Variants in KANK1 observed in about 807,000 individuals in gnomAD.
KANK1 encodes the protein KN motif and ankyrin repeat domain-containing protein 1.
In KANK1, 109 loss-of-function variants were observed where a neutral mutation model predicts 106.2. The observed-to-expected ratio is 1.03, with a 90% confidence interval of 0.88 to 1.20. The LOEUF is 1.20. KANK1 is among the 50% of genes most tolerant of loss of function. The pLI, the probability that KANK1 is intolerant of heterozygous loss-of-function variation, is 0.00. For missense variants in KANK1, 2,399 were observed against 1,710.7 expected (o/e 1.40, Z -7.10); for synonymous variants, 873 against 652.2 (o/e 1.34, Z -5.16).
chr9:532,032 T>C (rs1000864802), intron 1 of KANK1, among the ~76,000 whole-genome samples: 15 of 152,314 alleles, frequency 9.8e-5, no homozygotes, highest in Middle Eastern at 6.8e-3. Flanking sequence ...AAAACATTCA[T>C]TGGACATGAG....
At chr9:613,215 A>G (rs1962203) in intron 1 of KANK1, among the ~76,000 whole-genome samples, 115,321 of 151,122 alleles carry the variant, frequency 0.76, 44,482 homozygotes, top group Non-Finnish European at 0.81. Flanking sequence ...AGTTCACAGC[A>G]TCTTTAAGAT....
chr9:689,088 A>G (rs548972473), intron 2 of KANK1, among the ~76,000 whole-genome samples: 10 of 152,242 alleles, frequency 6.6e-5, no homozygotes, highest in Middle Eastern at 3.4e-3. Context: ...TGTCCCCCCA[A>G]TTCATTTGGT....
At chr9:709,311 C>G (rs1233017908) in intron 2 of KANK1, among the ~76,000 whole-genome samples, 1 of 152,158 alleles carries the variant, frequency 6.6e-6, no homozygotes, top group East Asian at 1.9e-4. Flanking sequence ...ATCCCATGCC[C>G]CAGCTTTCTC....
intron 1 of KANK1, among the ~76,000 whole-genome samples, chr9:659,001 C>G (rs1842739731): frequency 6.6e-6 from 1 of 151,716 alleles, no homozygotes; most frequent in Non-Finnish European, 1.5e-5. Flanking sequence ...TATTCTCACT[C>G]AACACCTGTT....
intron 3 of KANK1, among the ~76,000 whole-genome samples, chr9:494,543 G>A (rs2058429755): frequency 6.6e-6 from 1 of 152,136 alleles, no homozygotes; most frequent in South Asian, 2.1e-4. Context: ...GATTATAAAA[G>A]GCATTGTGCT....
chr9:707,309 G>A (rs1824599176), intron 2 of KANK1: 3 of 863,758 alleles, frequency 3.5e-6, no homozygotes, highest in South Asian at 1.1e-4. Flanking sequence ...GGGCCTGGGC[G>A]AGGGGGGCCG....
intron 1 of KANK1, among the ~76,000 whole-genome samples, chr9:569,178 T>G (rs146046687): frequency 8.0e-4 from 114 of 142,928 alleles, no homozygotes; most frequent in African/African-American, 2.7e-3. Flanking sequence ...GCCTCCCCTC[T>G]GTTTTATCAA....
chr9:595,796 A>G (rs1826068841), intron 1 of KANK1, among the ~76,000 whole-genome samples: 1 of 151,970 alleles, frequency 6.6e-6, no homozygotes, highest in African/African-American at 2.4e-5. Context: ...TGCTGGGATT[A>G]TAGGCATGAG....
chr9:514,003 C>T (rs779811713), intron 1 of KANK1, among the ~76,000 whole-genome samples: 3 of 141,782 alleles, frequency 2.1e-5, no homozygotes, highest in South Asian at 4.4e-4. Context: ...GGTGACAGAG[C>T]GAGACTCCGT....
chr9:735,769 G>T (rs1425349453), intron 7 of KANK1: 1 of 432,752 alleles, frequency 2.3e-6, no homozygotes. Context: ...CGATGCAGGT[G>T]GATCACATGA....
intron 2 of KANK1, among the ~76,000 whole-genome samples, chr9:694,687 G>C (rs139456138): frequency 5.8e-4 from 88 of 152,298 alleles, no homozygotes; most frequent in Admixed American, 5.4e-3. Context: ...TTCCACTACT[G>C]AGAATAGTAA....
intron 8 of KANK1, 28 bp downstream of exon 8, chr9:738,532 T>C (rs747772542): frequency 1.9e-6 from 3 of 1,557,356 alleles, no homozygotes; most frequent in South Asian, 2.2e-5. Flanking sequence ...CCACCCTCTC[T>C]TCTCTAACAG....
chr9:658,494 A>G (rs1013291409), intron 1 of KANK1, among the ~76,000 whole-genome samples: 10 of 152,112 alleles, frequency 6.6e-5, no homozygotes, highest in Non-Finnish European at 8.8e-5. Context: ...TGTAATTTTG[A>G]TGAAGACCGC....
At position 518,487 on chromosome 9, in the gene KANK1, TA is replaced by T. The variant is rs1389648734; in HGVS notation, c.-84+13734del. On this transcript the variant is annotated intron_variant, in intron 1 of 11. Transcript: ENST00000382297. ...CACTTCAAGGGGATCTGATTCGATG[TA>T]GGGGAGGGGTTCGGAGCATGGGTTC... Among the ~76,000 whole-genome samples, 12 of 151,696 alleles carry T rather than the reference TA, an allele frequency of 7.9e-5. 1 individual carries two copies. The highest frequency in any genetic ancestry group is 2.9e-4 in the African/African-American group (12 of 40,992).
chr9:622,174 C>G (rs893947895), intron 1 of KANK1, among the ~76,000 whole-genome samples: 3 of 152,118 alleles, frequency 2.0e-5, no homozygotes, highest in African/African-American at 7.2e-5. Context: ...ATACCTGAAA[C>G]CTGTTTAAAT....
At chr9:517,024 C>CACACACACACACAT (rs2059311640) in intron 1 of KANK1, among the ~76,000 whole-genome samples, 1 of 151,504 alleles carries the variant, frequency 6.6e-6, no homozygotes, top group Non-Finnish European at 1.5e-5. Flanking sequence ...CACACACACA[C>CACACACACACACAT]ACATCCGTCT....
chr9:702,626 G>A (rs1383921198), intron 2 of KANK1, among the ~76,000 whole-genome samples: 1 of 152,128 alleles, frequency 6.6e-6, no homozygotes, highest in African/African-American at 2.4e-5. Flanking sequence ...TTCCCACTGG[G>A]TATTATAACA....
chr9:551,260 C>A (rs1482867671), intron 1 of KANK1, among the ~76,000 whole-genome samples: 2 of 151,524 alleles, frequency 1.3e-5, no homozygotes, highest in Non-Finnish European at 2.9e-5. Flanking sequence ...TTGCCTGTTT[C>A]CCTCTTTTTG....
intron 1 of KANK1, among the ~76,000 whole-genome samples, chr9:542,761 G>T (rs922138554): frequency 3.9e-5 from 6 of 152,152 alleles, no homozygotes; most frequent in African/African-American, 1.4e-4. Context: ...CAATATAGAT[G>T]AACCTATTCA....
Sources: gnomAD v4.1 joint callset for allele counts (sites outside exome capture counted in the v4.1 genomes callset) on GRCh38, gnomAD v4.1.1 for gene constraint, MANE v1.5 for transcripts, NCBI Gene and HGNC (gene_info 2026-07-23, HGNC 2026-07-21) for gene names.